The following PHLDB1 variants were observed in gnomAD, a reference collection of about 807,000 sequenced individuals.
PHLDB1 encodes pleckstrin homology like domain family B member 1, also known as pleckstrin homology-like domain family B member 1.
PHLDB1 carries 65 observed loss-of-function variants against 139.3 expected under a neutral mutation model. That is an observed-to-expected ratio of 0.47 (90% CI 0.38 to 0.57). PHLDB1 has a LOEUF of 0.57. Ranked by LOEUF, PHLDB1 falls within the 20% of genes least tolerant of loss-of-function variation. The pLI, the probability that PHLDB1 is intolerant of heterozygous loss-of-function variation, is 0.00. For synonymous variants in PHLDB1, 679 were observed against 734.5 expected (o/e 0.92, Z 1.22); for missense variants, 1,624 against 1,839.7 (o/e 0.88, Z 2.14).
At chr11:118,616,013 T>A in intron 3 of PHLDB1, 28 bp from the exon 4 acceptor site, 1 of 1,598,096 alleles carries the variant, frequency 6.3e-7, no homozygotes, top group Non-Finnish European at 8.5e-7. Context: ...GGACAACCCC[T>A]CTGATTCAGT....
intron 3 of PHLDB1, 83 bp from the exon 4 acceptor site, chr11:118,615,958 G>C (rs1484108190): frequency 1.8e-6 from 2 of 1,128,270 alleles, no homozygotes; most frequent in African/African-American, 1.5e-5. Context: ...GTGGAAATAT[G>C]TTTCCACTGT....
rs1428060707 is a variant in PHLDB1 at position 118,650,940 on chromosome 11, G to T, written c.3874+393G>T. ...CATGGGGTCTTATGGTCAGAGTTGG[G>T]CTGGGAACTCCCCCTTGGACAAATT... On this transcript the variant is annotated intron_variant, in intron 20 of 22. Transcript: ENST00000600882. The surrounding 1 kb of genome is among the most constrained non-coding windows in gnomAD (Gnocchi z 4.7). 1.8e-5 allele frequency: 4 copies of T among 223,184 alleles called. No individual in the cohort carries two copies. The highest frequency in any genetic ancestry group is 3.6e-5 in the Non-Finnish European group (4 of 111,364). The allele number at this position is 223,184 out of a possible 1,614,324, so 13.8% of individuals were successfully genotyped here.
intron 1 of PHLDB1, among the ~76,000 whole-genome samples, chr11:118,609,515 C>A (rs1555081929): frequency 6.6e-6 from 1 of 150,898 alleles, no homozygotes; most frequent in Non-Finnish European, 1.5e-5. Flanking sequence ...ACATGCAGCC[C>A]CCTCACACAT....
At position 118,627,671 on chromosome 11, in the gene PHLDB1, C is replaced by T. The variant is rs141040260; in HGVS notation, c.848C>T (p.Pro283Leu). ...CAAGAGCCAGGACCTTCTGTGCCCC[C>T]GCTGGTACCTGCCCGTTCCTCCAGC... The part of the protein sequence containing the change: ...SGQEPGPSVP[P>L]LVPARSSSYH... The change falls in exon 6 of 23, where the codon CCG becomes CTG. Residue 283 changes from proline (P) to leucine (L), a missense_variant. Coordinates refer to ENST00000600882, the MANE Select transcript of PHLDB1 (RefSeq NM_001144758.3). 1.1e-4 allele frequency: 182 copies of T among 1,611,148 alleles called. No homozygotes were observed. The highest frequency in any genetic ancestry group is 8.2e-4 in the Middle Eastern group (5 of 6,084).
At chr11:118,638,755 A>G in intron 10 of PHLDB1, 136 bp from the exon 11 acceptor site, 1 of 650,540 alleles carries the variant, frequency 1.5e-6, no homozygotes, top group Non-Finnish European at 2.6e-6. Flanking sequence ...TCTTAGGGTG[A>G]GTTGAGGCCA....
upstream of PHLDB1, among the ~76,000 whole-genome samples, chr11:118,607,169 C>T (rs1591399802): frequency 6.6e-6 from 1 of 151,360 alleles, no homozygotes; most frequent in African/African-American, 2.4e-5. Context: ...TCAGTGGGAG[C>T]CCGTGGAGGT....
rs539233744 is a variant in PHLDB1, at chr11:118,638,329, A to G, written c.2536-562A>G. On this transcript the variant is annotated intron_variant, in intron 10 of 22. Coordinates refer to ENST00000600882, the MANE Select transcript of PHLDB1 (RefSeq NM_001144758.3). ...CCACTGAAAGATTTTGAGGAGAGGC[A>G]TGATCTGACCTTACTTGTGGATTTT... Among the ~76,000 whole-genome samples, 12 of 152,366 alleles carry G rather than the reference A, an allele frequency of 7.9e-5. 1 individual carries two copies. In the South Asian group the frequency reaches 2.3e-3, roughly 29 times the overall value.
At chr11:118,625,618 C>G (rs1943724711) in intron 5 of PHLDB1, among the ~76,000 whole-genome samples, 1 of 152,206 alleles carries the variant, frequency 6.6e-6, no homozygotes, top group Non-Finnish European at 1.5e-5. Context: ...AGGAGGGGTG[C>G]AGACCAGGAG....
intron 13 of PHLDB1, among the ~76,000 whole-genome samples, chr11:118,642,971 T>C (rs540711637): frequency 4.5e-4 from 69 of 152,342 alleles, no homozygotes; most frequent in Admixed American, 1.0e-3. Context: ...GAAAGGGGGC[T>C]GGGCTAGTCT....
At chr11:118,644,681 C>T (rs781909684) in intron 15 of PHLDB1, 11 of 1,289,554 alleles carry the variant, frequency 8.5e-6, no homozygotes, top group African/African-American at 1.5e-5. Flanking sequence ...TCCCAACCGA[C>T]GACCCAGCAG....
chr11:118,617,149 A>G (rs1363015588), intron 4 of PHLDB1, among the ~76,000 whole-genome samples: 1 of 152,236 alleles, frequency 6.6e-6, no homozygotes, highest in African/African-American at 2.4e-5. Flanking sequence ...TTGACAGACC[A>G]GGTGTGCTCA....
chr11:118,643,443 A>G, intron 13 of PHLDB1: 2 of 882,648 alleles, frequency 2.3e-6, no homozygotes, highest in Non-Finnish European at 2.7e-6. Flanking sequence ...TGTGTGGCCC[A>G]AGGTCACACA....
At chr11:118,644,248 C>A in intron 15 of PHLDB1, 74 bp downstream of exon 15, 1 of 955,730 alleles carries the variant, frequency 1.0e-6, no homozygotes, top group Non-Finnish European at 1.6e-6. Context: ...CCTCTATGCT[C>A]ACACCTTTCA....
At position 118,620,032 on chromosome 11, in the gene PHLDB1, G is replaced by A. The variant is rs185940071; in HGVS notation, c.355+3821G>A. On this transcript the variant is annotated intron_variant, in intron 4 of 22. Transcript: ENST00000600882. The surrounding 1 kb of genome is among the most constrained non-coding windows in gnomAD (Gnocchi z 4.1). ...TCAGAGCATGCAGAGATGAAGTAGT[G>A]TCAGTGTGACTGAGCAAGTGTTGGT... 6.6e-6 allele frequency among the ~76,000 whole-genome samples: 1 copy of A among 152,342 alleles called. No individual in the cohort carries two copies. Among genetic ancestry groups the A allele is most frequent in the Non-Finnish European group, 1.5e-5 (1 of 68,036 alleles).
At chr11:118,648,786 C>T (rs992257219) in intron 18 of PHLDB1, among the ~76,000 whole-genome samples, 1 of 152,156 alleles carries the variant, frequency 6.6e-6, no homozygotes, top group Middle Eastern at 3.2e-3. Context: ...CTGCCCATGT[C>T]TCTGGTCCCA....
intron 6 of PHLDB1, among the ~76,000 whole-genome samples, chr11:118,630,638 A>C (rs1555109082): frequency 6.6e-6 from 1 of 152,046 alleles, no homozygotes; most frequent in Non-Finnish European, 1.5e-5. Context: ...ATCAGTGTGC[A>C]TTTGTGCATG....
intron 4 of PHLDB1, 74 bp downstream of exon 4, chr11:118,616,285 G>A: frequency 7.2e-7 from 1 of 1,383,866 alleles, no homozygotes; most frequent in East Asian, 2.3e-5. Context: ...GGGGAGGCTG[G>A]CTGTGGTGGT....
In PHLDB1 at chr11:118,642,371, G is replaced by A. The variant is rs146596017; in HGVS notation, c.2854G>A (p.Ala952Thr). The part of the protein sequence containing the change: ...SPHSSPPPLP[A>T]KASRQLQVYR... Reference sequence around the variant, plus strand: ...TCACTCTTCTCCCCCGCCTCTGCCCGCCAAAGCTTCCCGTCAGCTGCAGGT... The same window carrying A: ...TCACTCTTCTCCCCCGCCTCTGCCCACCAAAGCTTCCCGTCAGCTGCAGGT... The change falls in exon 13 of 23, where the codon GCC (alanine) becomes ACC (threonine). Residue 952 changes from alanine (A) to threonine (T), a missense_variant. Physicochemically the swap from Ala to Thr is moderately conservative, Grantham distance 58. Coordinates refer to ENST00000600882, the MANE Select transcript of PHLDB1 (RefSeq NM_001144758.3). 2.1e-5 allele frequency: 33 copies of A among 1,609,700 alleles called. No individual in the cohort carries two copies. Among genetic ancestry groups the A allele is most frequent in the East Asian group, 4.5e-5 (2 of 44,892 alleles).
At chr11:118,615,927 A>G in intron 3 of PHLDB1, 114 bp from the exon 4 acceptor site, 3 of 861,312 alleles carry the variant, frequency 3.5e-6, no homozygotes, top group Non-Finnish European at 5.6e-6. Context: ...TGGTGGGCAG[A>G]GATTCTCCCT....
Sources: gnomAD v4.1 joint callset for allele counts (sites outside exome capture counted in the v4.1 genomes callset) on GRCh38, gnomAD v4.1.1 for gene constraint, Gnocchi (gnomAD v3.1) non-coding constraint, MANE v1.5 for transcripts, NCBI Gene and HGNC (gene_info 2026-07-23, HGNC 2026-07-21) for gene names.